TEX9: variants seen among roughly 807,000 people sequenced by gnomAD.
The protein encoded by TEX9 is testis-expressed protein 9.
Under a neutral mutation model 59.6 loss-of-function variants are expected in TEX9, and 74 were observed. The ratio of observed to expected loss-of-function variants is 1.24; its 90% CI spans 1.03 to 1.51. The LOEUF (loss-of-function observed/expected upper bound fraction) is 1.51. Ranked by LOEUF, TEX9 falls within the 40% of genes most tolerant of loss-of-function variation. The probability of loss-of-function intolerance (pLI) is 0.00; values close to 1 mark genes in which losing one functional copy is unlikely to be tolerated. For synonymous variants in TEX9, 186 were observed against 152.2 expected, an observed-to-expected ratio of 1.22 and a Z score of -1.64; for missense variants, 522 against 447.8, an observed-to-expected ratio of 1.17 and a Z score of -1.49.
intron 1 of TEX9, among the ~76,000 whole-genome samples, chr15:56,321,824 CT>C (rs2045910677): frequency 6.6e-6 from 1 of 152,054 alleles, no homozygotes; most frequent in Admixed American, 6.6e-5. Context: ...GATATTAGGA[CT>C]AGCTAGACCT....
At chr15:56,434,973 T>C (rs1274282640) in intron 12 of TEX9, among the ~76,000 whole-genome samples, 1 of 152,104 alleles carries the variant, frequency 6.6e-6, no homozygotes, top group Admixed American at 6.6e-5. Flanking sequence ...TATAAGCTTT[T>C]ATTTTCTGAA....
chr15:56,316,443 C>A (rs1346959002), intron 1 of TEX9, among the ~76,000 whole-genome samples: 1 of 142,880 alleles, frequency 7.0e-6, no homozygotes, highest in Non-Finnish European at 1.6e-5. Context: ...GCTGGGGGTG[C>A]CTCCCAGTTA....
At chr15:56,316,883 G>A (rs1258057131) in intron 1 of TEX9, among the ~76,000 whole-genome samples, 8 of 152,324 alleles carry the variant, frequency 5.3e-5, no homozygotes, top group African/African-American at 9.6e-5. Context: ...TCGGAAAAGC[G>A]CAGTATTCGG....
intron 3 of TEX9, among the ~76,000 whole-genome samples, chr15:56,379,676 C>T (rs1435438030): frequency 3.9e-5 from 6 of 152,168 alleles, no homozygotes; most frequent in Admixed American, 3.9e-4. Context: ...TGGTCTAGCT[C>T]TCTCTTTAGC....
chr15:56,412,245 T>C, intron 9 of TEX9, 57 bp from the exon 10 acceptor site: 1 of 1,508,638 alleles, frequency 6.6e-7, no homozygotes, highest in Non-Finnish European at 9.0e-7. Context: ...TGCAAAATGA[T>C]AAAGGGGGAA....
chr15:56,256,946 G>T (rs1410928723), intron 1 of TEX9, among the ~76,000 whole-genome samples: 1 of 151,548 alleles, frequency 6.6e-6, no homozygotes, highest in African/African-American at 2.4e-5. Context: ...CCCACCCTCT[G>T]CTCTCCCATA....
intron 1 of TEX9, among the ~76,000 whole-genome samples, chr15:56,258,482 T>C (rs1487587070): frequency 2.0e-5 from 3 of 152,138 alleles, no homozygotes. Context: ...GATTTGTAGT[T>C]ATCCTGAAGA....
At chr15:56,279,367 G>A (rs1445289160) in intron 1 of TEX9, among the ~76,000 whole-genome samples, 2 of 152,152 alleles carry the variant, frequency 1.3e-5, no homozygotes, top group South Asian at 2.1e-4. Flanking sequence ...CTTATCTCTT[G>A]TCTGGATACT....
chr15:56,290,583 C>T (rs1196216895), intron 1 of TEX9, among the ~76,000 whole-genome samples: 1 of 152,168 alleles, frequency 6.6e-6, no homozygotes, highest in East Asian at 1.9e-4. Flanking sequence ...TCCCGAGTTG[C>T]TGGGACTATA....
intron 10 of TEX9, among the ~76,000 whole-genome samples, chr15:56,419,676 T>C (rs1412891922): frequency 6.6e-6 from 1 of 151,902 alleles, no homozygotes; most frequent in Non-Finnish European, 1.5e-5. Flanking sequence ...GCTAGTCTGT[T>C]TAGTCTGTAG....
In TEX9 at chr15:56,391,385, A is replaced by AT. The variant is rs1162574984; in HGVS notation, c.544dup (p.Ser182PhefsTer4). ...AGGCTTACCTGAATATATAGATGAT[A>AT]TTTTTTCTGGTGTTAGTAATGACAT... On this transcript the variant is annotated frameshift_variant, in exon 7 of 13. Transcript: ENST00000352903. LOFTEE classifies it high-confidence loss of function. The AT allele has an allele frequency of 1.9e-6, 3 of 1,556,980 alleles. No homozygotes were observed. The highest frequency in any genetic ancestry group is 2.3e-5 in the East Asian group (1 of 43,266).
chr15:56,276,403 C>T (rs189349864), intron 1 of TEX9, among the ~76,000 whole-genome samples: 2 of 152,254 alleles, frequency 1.3e-5, no homozygotes, highest in Admixed American at 1.3e-4. Flanking sequence ...TTGTCAACTC[C>T]CACTTATGAG....
At chr15:56,332,113 T>A (rs2046158975) in intron 1 of TEX9, among the ~76,000 whole-genome samples, 4 of 127,896 alleles carry the variant, frequency 3.1e-5, no homozygotes, top group Non-Finnish European at 6.6e-5. Context: ...AGCCATCCCA[T>A]TACTGGGTAT....
intron 1 of TEX9, among the ~76,000 whole-genome samples, chr15:56,301,407 A>G (rs1302236641): frequency 6.6e-6 from 1 of 152,194 alleles, no homozygotes; most frequent in African/African-American, 2.4e-5. Flanking sequence ...TTCCAAACTC[A>G]GAGAAAGATA....
intron 12 of TEX9, among the ~76,000 whole-genome samples, chr15:56,440,695 TA>T (rs1203139221): frequency 6.6e-6 from 1 of 151,904 alleles, no homozygotes; most frequent in Admixed American, 6.6e-5. Context: ...TTATGCTGAA[TA>T]AAAAAAAGCC....
intron 1 of TEX9, among the ~76,000 whole-genome samples, chr15:56,265,555 G>C (rs1365311168): frequency 5.3e-5 from 8 of 151,886 alleles, no homozygotes; most frequent in African/African-American, 1.9e-4. Context: ...TTGATATGAT[G>C]TTTTTTCATG....
intron 1 of TEX9, among the ~76,000 whole-genome samples, chr15:56,289,713 C>T (rs1266865497): frequency 6.6e-6 from 1 of 152,130 alleles, no homozygotes; most frequent in African/African-American, 2.4e-5. Context: ...GCACTGGTGA[C>T]TGATGAGTGA....
intron 12 of TEX9, chr15:56,429,512 C>G (rs1046048778): frequency 5.3e-6 from 1 of 187,028 alleles, no homozygotes; most frequent in Non-Finnish European, 1.1e-5. Flanking sequence ...TGTACCCTAC[C>G]CTTTTCTTTA....
intron 1 of TEX9, among the ~76,000 whole-genome samples, chr15:56,328,834 CT>C (rs1327121938): frequency 2.0e-5 from 3 of 152,224 alleles, no homozygotes; most frequent in Non-Finnish European, 4.4e-5. Flanking sequence ...TATGGCATCA[CT>C]GGACCTGAGG....
Sources: gnomAD v4.1 joint callset for allele counts (sites outside exome capture counted in the v4.1 genomes callset) on GRCh38, gnomAD v4.1.1 for gene constraint, MANE v1.5 for transcripts, NCBI Gene and HGNC (gene_info 2026-07-23, HGNC 2026-07-21) for gene names.